The following NALF1 variants were observed in gnomAD, a reference collection of about 807,000 sequenced individuals.
NALF1 encodes the protein NALCN channel auxiliary factor 1, also known as family with sequence similarity 155 member A.
A neutral mutation model predicts 48.4 loss-of-function variants in NALF1; 3 were observed. That is an observed-to-expected ratio of 0.06 (90% CI 0.03 to 0.16). The LOEUF (loss-of-function observed/expected upper bound fraction) is 0.16, where lower values mean the gene tolerates loss of function less well. Ranked by LOEUF, NALF1 falls within the 10% of genes least tolerant of loss-of-function variation. The pLI is 1.00. For synonymous variants in NALF1, 262 were observed against 245.7 expected (o/e 1.07, Z -0.62); for missense variants, 526 against 571.5 (o/e 0.92, Z 0.81).
intron 2 of NALF1, among the ~76,000 whole-genome samples, chr13:107,203,091 G>A (rs941445849): frequency 6.6e-6 from 1 of 152,180 alleles, no homozygotes; most frequent in Non-Finnish European, 1.5e-5. Context: ...TTCTTACAAA[G>A]AATTCGCGAA....
intron 1 of NALF1, among the ~76,000 whole-genome samples, chr13:107,245,753 TC>T (rs1880569198): frequency 1.3e-5 from 2 of 152,180 alleles, no homozygotes; most frequent in South Asian, 2.1e-4. Context: ...ATAAGGGATT[TC>T]TTTTTTTTTA....
chr13:107,526,602 T>C (rs906504707), intron 1 of NALF1, among the ~76,000 whole-genome samples: 24 of 152,162 alleles, frequency 1.6e-4, no homozygotes, highest in African/African-American at 4.8e-4. Flanking sequence ...TGGTAAATTA[T>C]TGTTTAGCAA....
intron 1 of NALF1, among the ~76,000 whole-genome samples, chr13:107,349,870 G>T (rs1882840762): frequency 6.6e-6 from 1 of 151,924 alleles, no homozygotes. Context: ...CTATTGCAGT[G>T]GTCCCCAACC....
chr13:107,809,741 C>A (rs1425675544), intron 1 of NALF1, among the ~76,000 whole-genome samples: 3 of 152,060 alleles, frequency 2.0e-5, no homozygotes, highest in Non-Finnish European at 2.9e-5. Context: ...TCATGTCTTT[C>A]CCAGATAGAA....
chr13:107,752,936 T>TAAAAGC (rs1876980160), intron 1 of NALF1, among the ~76,000 whole-genome samples: 1 of 152,202 alleles, frequency 6.6e-6, no homozygotes, highest in East Asian at 1.9e-4. Context: ...TCCCCCACAT[T>TAAAAGC]AGTACCATGC....
intron 1 of NALF1, among the ~76,000 whole-genome samples, chr13:107,349,347 G>A (rs774381340): frequency 2.0e-4 from 31 of 151,926 alleles, no homozygotes; most frequent in Non-Finnish European, 3.7e-4. Context: ...TAAAAGTGAC[G>A]TCTGCCCCTT....
chr13:107,393,156 CTATT>C (rs1227091355), intron 1 of NALF1, among the ~76,000 whole-genome samples: 6 of 152,070 alleles, frequency 3.9e-5, no homozygotes, highest in African/African-American at 1.4e-4. Flanking sequence ...ACTAAATAAT[CTATT>C]AACGGGATTT....
chr13:107,821,420 G>A (rs1023629442), intron 1 of NALF1, among the ~76,000 whole-genome samples: 3 of 152,148 alleles, frequency 2.0e-5, no homozygotes, highest in African/African-American at 4.8e-5. Context: ...GAGATGACGC[G>A]TGAGGGCTCT....
At chr13:107,727,089 C>T (rs1162153052) in intron 1 of NALF1, among the ~76,000 whole-genome samples, 2 of 151,894 alleles carry the variant, frequency 1.3e-5, no homozygotes, top group East Asian at 1.9e-4. Context: ...GGATTACAGG[C>T]GTGATCCTTC....
chr13:107,218,557 T>C (rs1205375039), intron 1 of NALF1, among the ~76,000 whole-genome samples: 1 of 152,202 alleles, frequency 6.6e-6, no homozygotes, highest in African/African-American at 2.4e-5. Context: ...TATTAAATCC[T>C]AAGAATCCCT....
At chr13:107,245,752 TTC>T (rs918970089) in intron 1 of NALF1, among the ~76,000 whole-genome samples, 3 of 152,176 alleles carry the variant, frequency 2.0e-5, no homozygotes, top group Admixed American at 6.5e-5. Flanking sequence ...AATAAGGGAT[TTC>T]TTTTTTTTTA....
At chr13:107,650,720 C>T (rs4098677) in intron 1 of NALF1, among the ~76,000 whole-genome samples, 102,726 of 151,890 alleles carry the variant, frequency 0.68, 34,894 homozygotes, top group East Asian at 0.79. Context: ...ACCCCAATAA[C>T]TTATGAAAAA....
intron 1 of NALF1, among the ~76,000 whole-genome samples, chr13:107,712,750 T>C (rs1052597154): frequency 2.0e-5 from 3 of 152,232 alleles, no homozygotes; most frequent in Admixed American, 6.5e-5. Context: ...GAAAGGCGTG[T>C]ATGAAAAGGT....
intron 1 of NALF1, among the ~76,000 whole-genome samples, chr13:107,800,853 T>A (rs1878592411): frequency 6.6e-6 from 1 of 151,470 alleles, no homozygotes. Context: ...ATTACTTGGT[T>A]TAAGTTATAG....
intron 1 of NALF1, among the ~76,000 whole-genome samples, chr13:107,829,482 T>C (rs1296702297): frequency 6.8e-6 from 1 of 147,880 alleles, no homozygotes; most frequent in Non-Finnish European, 1.5e-5. Flanking sequence ...GATCTCATGA[T>C]TTTTTTTCCA....
At chr13:107,761,940 C>G (rs1368782500) in intron 1 of NALF1, among the ~76,000 whole-genome samples, 1 of 152,176 alleles carries the variant, frequency 6.6e-6, no homozygotes, top group Admixed American at 6.5e-5. Context: ...AATATGCCCA[C>G]TACATAATAA....
chr13:107,516,535 T>C (rs188544947), intron 1 of NALF1, among the ~76,000 whole-genome samples: 51 of 152,308 alleles, frequency 3.3e-4, no homozygotes, highest in Non-Finnish European at 5.0e-4. Flanking sequence ...TTTCACGACA[T>C]TGCCAGCCTT....
intron 1 of NALF1, among the ~76,000 whole-genome samples, chr13:107,224,299 CAT>C (rs916095621): frequency 2.6e-5 from 4 of 151,604 alleles, no homozygotes; most frequent in Non-Finnish European, 2.9e-5. Flanking sequence ...TGATGCAAAA[CAT>C]GTAATAAAAT....
chr13:107,796,362 C>A (rs1878424544), intron 1 of NALF1, among the ~76,000 whole-genome samples: 1 of 152,106 alleles, frequency 6.6e-6, no homozygotes, highest in African/African-American at 2.4e-5. Flanking sequence ...TTTTGGAGGC[C>A]TTGATGTAAT....
Sources: allele counts gnomAD v4.1 joint callset (sites outside exome capture counted in the v4.1 genomes callset), GRCh38; gene constraint gnomAD v4.1.1; transcripts MANE v1.5; gene names NCBI Gene and HGNC (gene_info 2026-07-23, HGNC 2026-07-21).